Variants in CEP112 observed in about 807,000 individuals in gnomAD.
CEP112 encodes centrosomal protein 112, also known as centrosomal protein of 112 kDa.
CEP112 carries 127 observed loss-of-function variants against 153.0 expected under a neutral mutation model. The observed-to-expected ratio is 0.83, with a 90% confidence interval of 0.72 to 0.96. The LOEUF is 0.96. Among genes scored for constraint, CEP112 ranks in the 40% least tolerant of loss-of-function variants. The pLI is 0.00. For missense variants in CEP112, 1,089 were observed against 1,101.2 expected (o/e 0.99, Z 0.16); for synonymous variants, 358 against 374.4 (o/e 0.96, Z 0.51).
At chr17:65,645,642 A>T (rs1016728480) in intron 24 of CEP112, among the ~76,000 whole-genome samples, 2 of 151,962 alleles carry the variant, frequency 1.3e-5, no homozygotes, top group Non-Finnish European at 2.9e-5. Context: ...TTTCCTTGTG[A>T]GAGAGATGTT....
chr17:66,168,409 A>ATG lies in CEP112; in HGVS notation c.470+6633_470+6634dup, dbSNP rs369199902. ...TATGTGTGTGTATATATATGTGTAT[A>ATG]TGTGTGTGTGTGTGTATATATATGT... On this transcript the variant is annotated intron_variant, in intron 4 of 26. Transcript: ENST00000535342. 1.2e-3 allele frequency among the ~76,000 whole-genome samples: 178 copies of ATG among 146,936 alleles called. 3 individuals carry two copies. The East Asian group carries it at 0.027, about 23-fold the overall frequency.
At chr17:65,842,847 C>T (rs557894322) in intron 21 of CEP112, among the ~76,000 whole-genome samples, 1 of 151,996 alleles carries the variant, frequency 6.6e-6, no homozygotes, top group Non-Finnish European at 1.5e-5. Flanking sequence ...AAAGTAACAA[C>T]AAAAGTCTTA....
intron 18 of CEP112, among the ~76,000 whole-genome samples, chr17:65,928,760 A>C (rs1411765555): frequency 6.6e-6 from 1 of 152,144 alleles, no homozygotes; most frequent in African/African-American, 2.4e-5. Flanking sequence ...GCTATTCGAG[A>C]GGCTAAGGCA....
chr17:66,039,310 G>A (rs1490142551), intron 12 of CEP112, among the ~76,000 whole-genome samples: 2 of 152,152 alleles, frequency 1.3e-5, no homozygotes, highest in East Asian at 1.9e-4. Context: ...AACTTAATTC[G>A]AAACCTTGTA....
intron 16 of CEP112, among the ~76,000 whole-genome samples, chr17:66,015,286 C>G (rs2319113): frequency 1.3e-5 from 2 of 151,894 alleles, no homozygotes; most frequent in African/African-American, 4.8e-5. Flanking sequence ...TCAAGATTCT[C>G]TTCTGACATT....
At chr17:66,050,367 A>G (rs1001343885) in intron 12 of CEP112, among the ~76,000 whole-genome samples, 3 of 152,162 alleles carry the variant, frequency 2.0e-5, no homozygotes, top group Non-Finnish European at 4.4e-5. Flanking sequence ...TAGAGCCTCA[A>G]GGACTCCCAG....
At chr17:66,034,526 G>T (rs7211092) in intron 12 of CEP112, among the ~76,000 whole-genome samples, 1 of 151,744 alleles carries the variant, frequency 6.6e-6, no homozygotes, top group Non-Finnish European at 1.5e-5. Flanking sequence ...TAAATCCACA[G>T]ACTTTGCCTA....
At chr17:65,937,597 G>T (rs1406907917) in intron 18 of CEP112, among the ~76,000 whole-genome samples, 1 of 99,428 alleles carries the variant, frequency 1.0e-5, no homozygotes, top group Non-Finnish European at 2.1e-5. Flanking sequence ...CCGGCCAGCC[G>T]CCCCGTCCGG....
intron 21 of CEP112, among the ~76,000 whole-genome samples, chr17:65,796,511 G>C (rs1425393952): frequency 6.6e-6 from 1 of 152,006 alleles, no homozygotes; most frequent in Non-Finnish European, 1.5e-5. Flanking sequence ...CTTCTACGTA[G>C]AAATCAGATA....
chr17:65,949,106 CA>C (rs1327014603), intron 18 of CEP112, among the ~76,000 whole-genome samples: 3 of 152,106 alleles, frequency 2.0e-5, no homozygotes, highest in Admixed American at 6.6e-5. Flanking sequence ...ATCAGATTCA[CA>C]TTTTTTTAAT....
chr17:65,744,578 T>C (rs7359599), intron 22 of CEP112, among the ~76,000 whole-genome samples: 100,741 of 152,076 alleles, frequency 0.66, 33,624 homozygotes, highest in Middle Eastern at 0.8. Flanking sequence ...AAGGTTTTGG[T>C]ATTGCAGGGA....
At chr17:66,095,536 TG>T (rs1277609525) in intron 8 of CEP112, among the ~76,000 whole-genome samples, 6 of 152,180 alleles carry the variant, frequency 3.9e-5, no homozygotes, top group South Asian at 2.1e-4. Context: ...TGGGAGATAC[TG>T]GTCAAAGGAT....
rs573512465 is a variant in CEP112 at position 66,095,018 on chromosome 17, AG to A, written c.768+1232del. Reference sequence around the variant, plus strand: ...AAGATCAGTATTGGAGGGGATGTGGAGAAAAAAGAACCCTTGCCCAGTGTTG... The same window carrying A: ...AAGATCAGTATTGGAGGGGATGTGGAAAAAAAGAACCCTTGCCCAGTGTTG... On this transcript the variant is annotated intron_variant, in intron 8 of 26. Transcript: ENST00000535342. Among the ~76,000 whole-genome samples, 8 of 152,348 alleles carry A rather than the reference AG, an allele frequency of 5.3e-5. No individual in the cohort carries two copies. The East Asian group carries it at 9.6e-4, about 18-fold the overall frequency.
At chr17:65,765,432 C>A (rs1233645248) in intron 21 of CEP112, among the ~76,000 whole-genome samples, 1 of 151,996 alleles carries the variant, frequency 6.6e-6, no homozygotes, top group Admixed American at 6.6e-5. Context: ...TGGTGTATTT[C>A]ACAATGGTCA....
chr17:65,897,525 T>A (rs976826970), intron 20 of CEP112, among the ~76,000 whole-genome samples: 15 of 152,144 alleles, frequency 9.9e-5, no homozygotes, highest in Non-Finnish European at 1.6e-4. Flanking sequence ...TAATTTCTAA[T>A]CTCAGCTATG....
At chr17:66,038,857 G>GA (rs1204695168) in intron 12 of CEP112, among the ~76,000 whole-genome samples, 18 of 152,010 alleles carry the variant, frequency 1.2e-4, no homozygotes, top group African/African-American at 7.3e-5. Context: ...GGGAAAATTA[G>GA]AAAAAAATGC....
At chr17:65,750,157 G>T (rs1480749423) in intron 22 of CEP112, among the ~76,000 whole-genome samples, 2 of 152,214 alleles carry the variant, frequency 1.3e-5, no homozygotes, top group Non-Finnish European at 2.9e-5. Context: ...GCAAGTTATG[G>T]ATGTAGGGAC....
chr17:65,695,609 T>C (rs1172716316), intron 23 of CEP112, among the ~76,000 whole-genome samples: 1 of 152,204 alleles, frequency 6.6e-6, no homozygotes, highest in Non-Finnish European at 1.5e-5. Flanking sequence ...ATTTCAATTA[T>C]AAAGTGGTTA....
intron 20 of CEP112, among the ~76,000 whole-genome samples, chr17:65,862,444 C>T (rs983231009): frequency 3.3e-5 from 5 of 151,956 alleles, no homozygotes; most frequent in Non-Finnish European, 5.9e-5. Context: ...AAAAATTAGC[C>T]GGGCGTGGTG....
Sources: gnomAD v4.1 joint callset for allele counts (sites outside exome capture counted in the v4.1 genomes callset) on GRCh38, gnomAD v4.1.1 for gene constraint, MANE v1.5 for transcripts, NCBI Gene and HGNC (gene_info 2026-07-23, HGNC 2026-07-21) for gene names.